The following MUC6 variants were observed in gnomAD, a reference collection of about 807,000 sequenced individuals.
The protein encoded by MUC6 is mucin-6.
Under a neutral mutation model 201.5 loss-of-function variants are expected in MUC6, and 188 were observed. That is an observed-to-expected ratio of 0.93 (90% CI 0.83 to 1.05). MUC6 has a LOEUF of 1.05. MUC6 is among the 50% of genes least tolerant of loss of function. MUC6 has a pLI of 0.00. For synonymous variants in MUC6, 1,228 were observed against 1,389.4 expected (o/e 0.88, Z 2.58); for missense variants, 2,706 against 3,256.9 (o/e 0.83, Z 4.12).
chr11:1,035,082 G>A (rs1226819208), intron 1 of MUC6, among the ~76,000 whole-genome samples: 1 of 152,058 alleles, frequency 6.6e-6, no homozygotes, highest in East Asian at 1.9e-4. Flanking sequence ...CCTTCTGCAC[G>A]CTTGGCGGCC....
chr11:1,015,227 C>T (rs1254313603), intron 31 of MUC6, among the ~76,000 whole-genome samples: 4 of 151,860 alleles, frequency 2.6e-5, no homozygotes, highest in Admixed American at 2.6e-4. Context: ...GGGAAGAGAC[C>T]GTGGCCCAGA....
chr11:1,026,952 C>A lies in MUC6; in HGVS notation c.2383G>T (p.Gly795Cys). The A allele has an allele frequency of 1.3e-6, 2 of 1,588,864 alleles. No individual in the cohort carries two copies. Among genetic ancestry groups the A allele is most frequent in the Non-Finnish European group, 1.7e-6 (2 of 1,168,504 alleles). The change falls in exon 19 of 33, where the codon GGT (glycine) becomes TGT (cysteine). Residue 795 changes from glycine to cysteine, a missense_variant. By Grantham distance (159) the Gly-to-Cys change is radical (BLOSUM62 -3). Around this residue, in one of 10 missense-constraint regions of MUC6, gnomAD observed 1,850 missense variants for 1,958.3 expected, o/e 0.94. Transcript: ENST00000421673. ...CAPTCQMLAT[G>C]VACVPTKCEP... is the part of the protein sequence containing the mutation. ...GCGCGCCCCCTTACGCAGGCAACAC[C>A]GGTGGCCAGCATCTGGCATGTGGGG...
intron 1 of MUC6, among the ~76,000 whole-genome samples, chr11:1,036,102 C>A (rs918158129): frequency 6.6e-6 from 1 of 152,080 alleles, no homozygotes; most frequent in African/African-American, 2.4e-5. Context: ...GTACACCTTC[C>A]CCCCTCTTCC....
At chr11:1,025,457 G>C in intron 22 of MUC6, 90 bp from the exon 23 acceptor site, 1 of 1,458,486 alleles carries the variant, frequency 6.9e-7, no homozygotes. Flanking sequence ...AGACAGAGCT[G>C]CCCAGGTCTG....
intron 25 of MUC6, 60 bp from the exon 26 acceptor site, chr11:1,023,712 G>A (rs916566935): frequency 2.5e-5 from 39 of 1,587,922 alleles, no homozygotes; most frequent in South Asian, 6.8e-5. Flanking sequence ...GCCCTGACCC[G>A]GTGGTTCCCC....
chr11:1,032,041 C>A lies in MUC6; in HGVS notation c.128G>T (p.Gly43Val). 6.2e-7 allele frequency: 1 copy of A among 1,613,296 alleles called. No individual in the cohort carries two copies. Among genetic ancestry groups the A allele is most frequent in the Non-Finnish European group, 8.5e-7 (1 of 1,179,874 alleles). The change falls in exon 3 of 33, where the codon GGC (glycine) becomes GTC (valine). Residue 43 changes from glycine to valine, a missense_variant. Transcript: ENST00000421673. The stretch of plus-strand genomic sequence containing the variant: ...ACCAGCCCCCCACGTGGAGCACTGG[C>A]CTTTGTCCGGGGCTACAGAGAGAGC... ...KDSPQTAPDK[G>V]QCSTWGAGHF...
rs371525893 is a variant in MUC6, at chr11:1,028,694, A to G, written c.1543T>C (p.Phe515Leu). Reference sequence around the variant, plus strand: ...GGCCCAACAGTGACATAGGCCTGGAAGATGGGGCGCAGCTGGACCACGAGC... The same window carrying G: ...GGCCCAACAGTGACATAGGCCTGGAGGATGGGGCGCAGCTGGACCACGAGC... ...LELVVQLRPI[F>L]QAYVTVGPQF... Residue 515 changes from phenylalanine to leucine, a missense_variant, in exon 13 of 33, where the codon TTC becomes CTC. Coordinates refer to ENST00000421673, the MANE Select transcript of MUC6 (RefSeq NM_005961.3). The G allele has an allele frequency of 1.9e-6, 3 of 1,611,466 alleles. No individual in the cohort carries two copies. Among genetic ancestry groups the G allele is most frequent in the Non-Finnish European group, 1.7e-6 (2 of 1,179,304 alleles).
chr11:1,019,183 G>A, intron 30 of MUC6, 92 bp downstream of exon 30: 1 of 1,386,860 alleles, frequency 7.2e-7, no homozygotes, highest in Non-Finnish European at 1.0e-6. Flanking sequence ...GGGAAATACG[G>A]GGTCTTCTTT....
At chr11:1,036,440 C>G (rs1038419881) in intron 1 of MUC6, among the ~76,000 whole-genome samples, 164 bp downstream of exon 1, 1 of 152,202 alleles carries the variant, frequency 6.6e-6, no homozygotes, top group African/African-American at 2.4e-5. Flanking sequence ...TGGGGGGACC[C>G]GGGCCTGGCA....
At position 1,031,842 on chromosome 11, in the gene MUC6, G is replaced by A. The variant is rs771887021; in HGVS notation, c.327C>T (p.Ser109=). The change falls in exon 3 of 33, where the codon AGC becomes AGT. Residue 109 remains serine, a synonymous_variant. Transcript: ENST00000421673. ...VELGASVVTV[S]EAIISVKDIG... ...TGTCCTTGACTGAGATGATGGCTTC[G>A]CTCACAGTGACGACGGAGGCCCCCA... The A allele has an allele frequency of 8.7e-6, 14 of 1,611,214 alleles. No individual in the cohort carries two copies. Among genetic ancestry groups the A allele is most frequent in the South Asian group, 6.6e-5 (6 of 90,766 alleles).
At chr11:1,031,342 A>T in intron 4 of MUC6, 83 bp from the exon 5 acceptor site, 1 of 1,329,418 alleles carries the variant, frequency 7.5e-7, no homozygotes, top group Non-Finnish European at 1.0e-6. Flanking sequence ...CTGCTCCTGG[A>T]CCCAGAGCCC....
At chr11:1,019,540 G>A (rs1229417212) in intron 29 of MUC6, 44 bp from the exon 30 acceptor site, 1 of 1,543,602 alleles carries the variant, frequency 6.5e-7, no homozygotes, top group Admixed American at 1.7e-5. Flanking sequence ...CTGTGGGCCT[G>A]CATTTCGAAG....
intron 29 of MUC6, chr11:1,019,772 G>T: frequency 1.6e-6 from 1 of 617,258 alleles, no homozygotes; most frequent in Middle Eastern, 4.3e-4. Flanking sequence ...GTCCCCTCCA[G>T]GGTCCCTGGG....
At chr11:1,025,395 CCTGT>C (rs746476087) in intron 22 of MUC6, 28 bp from the exon 23 acceptor site, 10 of 1,595,118 alleles carry the variant, frequency 6.3e-6, no homozygotes, top group South Asian at 3.3e-5. Flanking sequence ...CATAGGACTG[CCTGT>C]CTGTCTCCCC....
chr11:1,023,307 C>A (rs1465269483), intron 26 of MUC6, among the ~76,000 whole-genome samples: 1 of 150,654 alleles, frequency 6.6e-6, no homozygotes, highest in Non-Finnish European at 1.5e-5. Flanking sequence ...AATGAATATG[C>A]GTGAATGAAT....
chr11:1,018,917 T>G, intron 30 of MUC6, 147 bp from the exon 31 acceptor site: 1 of 1,073,590 alleles, frequency 9.3e-7, no homozygotes, highest in African/African-American at 1.6e-5. Context: ...CACTCCAGCC[T>G]GCCCCATTGT....
chr11:1,030,370 A>ACCCC, intron 7 of MUC6, 35 bp from the exon 8 acceptor site: 1 of 992,824 alleles, frequency 1.0e-6, no homozygotes, highest in South Asian at 1.8e-5. Flanking sequence ...AGAGGGTCCC[A>ACCCC]CCCCCCCCAC....
Position 1,036,715 on chromosome 11 carries a change from G to T in MUC6, c.-60C>A. 2.6e-6 allele frequency: 4 copies of T among 1,514,862 alleles called. No individual in the cohort carries two copies. Among genetic ancestry groups the T allele is most frequent in the East Asian group, 2.5e-5 (1 of 40,542 alleles). 93.8% of individuals were successfully genotyped at this position (1,514,862 alleles called of 1,614,324 possible). A position where few individuals can be genotyped will look rare whatever the true frequency, so the allele number is the denominator to read the frequency against. On this transcript the variant is annotated 5_prime_UTR_variant, in exon 1 of 33. Transcript: ENST00000421673. ...GCAGGCCTGCTGCTGCCATCCATGC[G>T]GCTCCAACGGCCGGTCCTGGGTGCC...
At chr11:1,024,320 A>G (rs997696086) in intron 24 of MUC6, among the ~76,000 whole-genome samples, 1 of 152,064 alleles carries the variant, frequency 6.6e-6, no homozygotes, top group African/African-American at 2.4e-5. Context: ...ACGCCTTGAG[A>G]CCCGCCATCG....
Sources: gnomAD v4.1 joint callset for allele counts (sites outside exome capture counted in the v4.1 genomes callset) on GRCh38, gnomAD v4.1.1 for gene constraint, gnomAD v4.1.1 regional missense constraint, MANE v1.5 for transcripts, NCBI Gene and HGNC (gene_info 2026-07-23, HGNC 2026-07-21) for gene names.